Variants in NPAP1 observed in about 807,000 individuals in gnomAD.
NPAP1 encodes the protein nuclear pore-associated protein 1.
For missense variants in NPAP1, 1,483 were observed against 1,454.5 expected, an observed-to-expected ratio of 1.02 and a Z score of -0.32; for synonymous variants, 616 against 581.4, an observed-to-expected ratio of 1.06 and a Z score of -0.86.
In NPAP1 at chr15:24,681,172, A is replaced by T. The variant is rs1008406834; in HGVS notation, c.*1834A>T. On this transcript the variant is annotated 3_prime_UTR_variant, in exon 1 of 1. Coordinates refer to ENST00000329468, the MANE Select transcript of NPAP1 (RefSeq NM_018958.3). ...GAGGACAGAGGAGAGATGTGAGTGG[A>T]ATTCCTTCCTCCACTTTTTACTAAT... 1.2e-5 allele frequency: 2 copies of T among 167,238 alleles called. No individual in the cohort carries two copies. The highest frequency in any genetic ancestry group is 4.8e-5 in the African/African-American group (2 of 41,434). 10.4% of individuals were successfully genotyped at this position (167,238 alleles called of 1,614,324 possible). A position where few individuals can be genotyped will look rare whatever the true frequency, so the allele number is the denominator to read the frequency against.
chr15:24,678,335 G>A lies in NPAP1; in HGVS notation c.2468G>A (p.Ser823Asn), dbSNP rs754517067. 10 of 1,613,682 alleles carry A rather than the reference G, an allele frequency of 6.2e-6. No individual in the cohort carries two copies. Among genetic ancestry groups the A allele is most frequent in the Non-Finnish European group, 7.6e-6 (9 of 1,179,948 alleles). The stretch of plus-strand genomic sequence containing the variant: ...TTATCCAAGCCTGCCATTGACACCA[G>A]TGACATGAATACCACCCCTCCTTCC... Reference protein sequence around the residue: ...ASLSKPAIDTSDMNTTPPSKT... With the variant: ...ASLSKPAIDTNDMNTTPPSKT... Residue 823 changes from serine (S) to asparagine (N), a missense_variant, in exon 1 of 1, where the codon AGT becomes AAT. Physicochemically the swap from Ser to Asn is conservative, Grantham distance 46. Transcript: ENST00000329468.
rs1217326711 is a variant in NPAP1 at position 24,678,182 on chromosome 15, C to G, written c.2315C>G (p.Pro772Arg). ...HPLNPGATPQ[P>R]KFGAPDGPQQ... ...TTAAATCCAGGAGCCACCCCTCAACCCAAATTTGGGGCCCCTGATGGGCCG... is the reference window on the plus strand; with the variant it reads ...TTAAATCCAGGAGCCACCCCTCAACGCAAATTTGGGGCCCCTGATGGGCCG... The change falls in exon 1 of 1, where the codon CCC becomes CGC. Residue 772 changes from proline to arginine, a missense_variant. Coordinates refer to ENST00000329468, the MANE Select transcript of NPAP1 (RefSeq NM_018958.3). 1 of 1,613,638 alleles carries G rather than the reference C, an allele frequency of 6.2e-7. No individual in the cohort carries two copies. Among genetic ancestry groups the G allele is most frequent in the Non-Finnish European group, 8.5e-7 (1 of 1,179,938 alleles).
rs1450298083 is a variant in NPAP1, at chr15:24,676,149, C to G, written c.282C>G (p.Ile94Met). 1 of 1,575,956 alleles carries G rather than the reference C, an allele frequency of 6.3e-7. No individual in the cohort carries two copies. Among genetic ancestry groups the G allele is most frequent in the Non-Finnish European group, 8.6e-7 (1 of 1,163,294 alleles). The change falls in exon 1 of 1, where the codon ATC (isoleucine) becomes ATG (methionine). Residue 94 changes from isoleucine (I) to methionine (M), a missense_variant. Ile to Met is a conservative substitution (Grantham distance 10, BLOSUM62 1). Coordinates refer to ENST00000329468, the MANE Select transcript of NPAP1 (RefSeq NM_018958.3). ...CGGCTGTGGGTTGGGGGCTGGCCAT[C>G]AGGAAGACACCCATGCTGCCTGCTC... Reference protein sequence around the residue: ...VLPAVGWGLAIRKTPMLPARN... With the variant: ...VLPAVGWGLAMRKTPMLPARN...
rs1165318934 is a variant in NPAP1 at position 24,676,898 on chromosome 15, T to G, written c.1031T>G (p.Leu344Trp). ...LLLPLPPSLP[L>W]LWDRGELPPP... ...CTGCCGCTGCCCCCTTCACTGCCATTGCTGTGGGATCGAGGTGAGCTTCCC... is the reference window on the plus strand; with the variant it reads ...CTGCCGCTGCCCCCTTCACTGCCATGGCTGTGGGATCGAGGTGAGCTTCCC... Residue 344 changes from leucine to tryptophan, a missense_variant, in exon 1 of 1, where the codon TTG becomes TGG. By Grantham distance (61) the Leu-to-Trp change is moderately conservative. Coordinates refer to ENST00000329468, the MANE Select transcript of NPAP1 (RefSeq NM_018958.3). The G allele has an allele frequency of 3.1e-6, 5 of 1,613,590 alleles. No individual in the cohort carries two copies. Among genetic ancestry groups the G allele is most frequent in the Non-Finnish European group, 4.2e-6 (5 of 1,180,032 alleles).
In NPAP1 at chr15:24,677,615, C is replaced by A; in HGVS notation, c.1748C>A (p.Pro583Gln). Reference protein sequence around the residue: ...PEVVNMDTTAPSQVVIFTSSL... With the variant: ...PEVVNMDTTAQSQVVIFTSSL... ...GTAGTTAATATGGATACTACTGCCC[C>A]ATCTCAGGTTGTTATTTTCACATCT... Residue 583 changes from proline (P) to glutamine (Q), a missense_variant, in exon 1 of 1, where the codon CCA becomes CAA. Physicochemically the swap from Pro to Gln is moderately conservative, Grantham distance 76. Transcript: ENST00000329468. 4 of 1,614,152 alleles carry A rather than the reference C, an allele frequency of 2.5e-6. No individual in the cohort carries two copies. Among genetic ancestry groups the A allele is most frequent in the Non-Finnish European group, 3.4e-6 (4 of 1,180,032 alleles).
chr15:24,677,324 C>T lies in NPAP1; in HGVS notation c.1457C>T (p.Ser486Leu), dbSNP rs2141310107. The change falls in exon 1 of 1, where the codon TCA (serine) becomes TTA (leucine). Residue 486 changes from serine (S) to leucine (L), a missense_variant. Physicochemically the swap from Ser to Leu is moderately radical, Grantham distance 145. Transcript: ENST00000329468. Reference sequence around the variant, plus strand: ...AATGAGAAAGGAGGCTCTTATAATTCAGTCGTAGGAGCAGCGCCTCTCACT... The same window carrying T: ...AATGAGAAAGGAGGCTCTTATAATTTAGTCGTAGGAGCAGCGCCTCTCACT... The part of the protein sequence containing the change: ...QSNEKGGSYN[S>L]VVGAAPLTSD... The T allele has an allele frequency of 2.5e-6, 4 of 1,614,156 alleles. No individual in the cohort carries two copies. Among genetic ancestry groups the T allele is most frequent in the Non-Finnish European group, 3.4e-6 (4 of 1,180,024 alleles).
Position 24,678,333 on chromosome 15 carries a change from C to T in NPAP1, c.2466C>T (p.Thr822=), listed in dbSNP as rs529053521. ...AASLSKPAID[T]SDMNTTPPSK... ...CGTTATCCAAGCCTGCCATTGACACCAGTGACATGAATACCACCCCTCCTT... is the reference window on the plus strand; with the variant it reads ...CGTTATCCAAGCCTGCCATTGACACTAGTGACATGAATACCACCCCTCCTT... Residue 822 remains threonine (T), a synonymous_variant, in exon 1 of 1, where the codon ACC becomes ACT. Transcript: ENST00000329468. 1 of 1,614,088 alleles carries T rather than the reference C, an allele frequency of 6.2e-7. No individual in the cohort carries two copies. Among genetic ancestry groups the T allele is most frequent in the African/African-American group, 1.3e-5 (1 of 75,038 alleles).
chr15:24,676,479 C>G lies in NPAP1; in HGVS notation c.612C>G (p.Ser204Arg), dbSNP rs2141308108. The G allele has an allele frequency of 6.2e-7, 1 of 1,614,058 alleles. No individual in the cohort carries two copies. Among genetic ancestry groups the G allele is most frequent in the Non-Finnish European group, 8.5e-7 (1 of 1,179,976 alleles). Residue 204 changes from serine to arginine, a missense_variant, in exon 1 of 1, where the codon AGC (serine) becomes AGG (arginine). Transcript: ENST00000329468. Reference sequence around the variant, plus strand: ...GAGACGTGGCCTCCTTCAGATGCAGCCCTGGGCCTCTGGAGGGAAATGTCT... The same window carrying G: ...GAGACGTGGCCTCCTTCAGATGCAGGCCTGGGCCTCTGGAGGGAAATGTCT... ...TQGDVASFRC[S>R]PGPLEGNVYH...
chr15:24,683,205 A>G lies in NPAP1; in HGVS notation c.*3867A>G, dbSNP rs753111960. 3.5e-5 allele frequency: 6 copies of G among 172,178 alleles called. No individual in the cohort carries two copies. Among genetic ancestry groups the G allele is most frequent in the Non-Finnish European group, 6.2e-5 (5 of 80,178 alleles). 10.7% of individuals were successfully genotyped at this position (172,178 alleles called of 1,614,324 possible). ...CCTTTGCCTCTTTTAAAAGTTCTAA[A>G]TTGCTAGCCAATCGGGACAAATACA... On this transcript the variant is annotated 3_prime_UTR_variant, in exon 1 of 1. Transcript: ENST00000329468.
chr15:24,677,675 C>G lies in NPAP1; in HGVS notation c.1808C>G (p.Ser603Cys), dbSNP rs146329098. 2.5e-5 allele frequency: 41 copies of G among 1,614,194 alleles called. No homozygotes were observed. Among genetic ancestry groups the G allele is most frequent in the Non-Finnish European group, 3.1e-5 (37 of 1,180,036 alleles). Residue 603 changes from serine (S) to cysteine (C), a missense_variant, in exon 1 of 1, where the codon TCC becomes TGC. Physicochemically the swap from Ser to Cys is moderately radical, Grantham distance 112. Transcript: ENST00000329468. Reference sequence around the variant, plus strand: ...TCCAGAGTGAGCTCTCTCCCAAATTCCCAAATACATTGCAGTGCAGAGCAG... The same window carrying G: ...TCCAGAGTGAGCTCTCTCCCAAATTGCCAAATACATTGCAGTGCAGAGCAG... Reference protein sequence around the residue: ...LSSRVSSLPNSQIHCSAEQRH... With the variant: ...LSSRVSSLPNCQIHCSAEQRH...
rs1034783563 is a variant in NPAP1 at position 24,677,988 on chromosome 15, G to A, written c.2121G>A (p.Lys707=). 2 of 1,613,278 alleles carry A rather than the reference G, an allele frequency of 1.2e-6. No individual in the cohort carries two copies. Among genetic ancestry groups the A allele is most frequent in the African/African-American group, 2.7e-5 (2 of 74,644 alleles). Residue 707 remains lysine (K), a synonymous_variant, in exon 1 of 1, where the codon AAG becomes AAA. Transcript: ENST00000329468. ...TNAMHTTPPS[K]AVILQSASVS... is the part of the protein sequence containing the mutation. ...CTATGCATACCACTCCTCCTTCCAA[G>A]GCTGTCATCTTGCAGTCTGCCTCTG...
In NPAP1 at chr15:24,677,884, A is replaced by T. The variant is rs2048988081; in HGVS notation, c.2017A>T (p.Ile673Phe). 6.2e-7 allele frequency: 1 copy of T among 1,613,586 alleles called. No homozygotes were observed. The highest frequency in any genetic ancestry group is 1.1e-5 in the South Asian group (1 of 91,056). The change falls in exon 1 of 1, where the codon ATT (isoleucine) becomes TTT (phenylalanine). Residue 673 changes from isoleucine (I) to phenylalanine (F), a missense_variant. Physicochemically the swap from Ile to Phe is conservative, Grantham distance 21 (BLOSUM62 0). Coordinates refer to ENST00000329468, the MANE Select transcript of NPAP1 (RefSeq NM_018958.3). ...CTGTGTTTTCCTGAGCCTTCCCATCATTCCTCCTCCAGACACCTCCACTTT... is the reference window on the plus strand; with the variant it reads ...CTGTGTTTTCCTGAGCCTTCCCATCTTTCCTCCTCCAGACACCTCCACTTT... The part of the protein sequence containing the change: ...SACVFLSLPI[I>F]PPPDTSTLVN...
At chr15:24,679,259 G>GA in the NPAP1 span, 1 of 1,614,028 alleles carries the variant, frequency 6.2e-7, no homozygotes, top group East Asian at 2.2e-5. Flanking sequence ...TGGACAGAGA[G>GA]AAAATTCTAC....
chr15:24,681,357 A>G lies in NPAP1; in HGVS notation c.*2019A>G, dbSNP rs1164824169. 6.0e-6 allele frequency: 1 copy of G among 165,596 alleles called. No homozygotes were observed. The highest frequency in any genetic ancestry group is 1.5e-5 in the Non-Finnish European group (1 of 67,922). 10.3% of individuals were successfully genotyped at this position (165,596 alleles called of 1,614,324 possible). On this transcript the variant is annotated 3_prime_UTR_variant, in exon 1 of 1. Transcript: ENST00000329468. ...TAATTTGTTATATACATAGGGATGG[A>G]TAGACGGATGGATAGATTAGATGAT...
chr15:24,680,970 A>G lies in NPAP1; in HGVS notation c.*1632A>G, dbSNP rs926550833. The G allele has an allele frequency of 2.4e-5, 4 of 167,024 alleles. No homozygotes were observed. Among genetic ancestry groups the G allele is most frequent in the African/African-American group, 9.6e-5 (4 of 41,462 alleles). 10.3% of individuals were successfully genotyped at this position (167,024 alleles called of 1,614,324 possible). On this transcript the variant is annotated 3_prime_UTR_variant, in exon 1 of 1. Transcript: ENST00000329468. ...TGAACAAGCCTCACTGGGAAGGTAAATTTAAACGAAGCCTAGAGAGAAGCA... is the reference window on the plus strand; with the variant it reads ...TGAACAAGCCTCACTGGGAAGGTAAGTTTAAACGAAGCCTAGAGAGAAGCA...
In NPAP1 at chr15:24,681,204, A is replaced by G. The variant is rs995742386; in HGVS notation, c.*1866A>G. ...TCCTCCACTTTTTACTAATTGTGTA[A>G]TAACAGTTGACTCAAACTTCAAAAG... On this transcript the variant is annotated 3_prime_UTR_variant, in exon 1 of 1. Coordinates refer to ENST00000329468, the MANE Select transcript of NPAP1 (RefSeq NM_018958.3). The G allele has an allele frequency of 6.0e-6, 1 of 167,196 alleles. No individual in the cohort carries two copies. The highest frequency in any genetic ancestry group is 1.5e-5 in the Non-Finnish European group (1 of 68,128). 10.4% of individuals were successfully genotyped at this position (167,196 alleles called of 1,614,324 possible).
rs2048986974 is a variant in NPAP1 at position 24,677,734 on chromosome 15, C to A, written c.1867C>A (p.Pro623Thr). 6.2e-7 allele frequency: 1 copy of A among 1,614,036 alleles called. No homozygotes were observed. Among genetic ancestry groups the A allele is most frequent in the South Asian group, 1.1e-5 (1 of 91,086 alleles). ...GGGAAAGACATCAGTCTACACATCC[C>A]CACTTCCATTTATATTCCACAATAC... ...HPGKTSVYTSPLPFIFHNTTP... is the reference protein window; with the variant it reads ...HPGKTSVYTSTLPFIFHNTTP... Residue 623 changes from proline to threonine, a missense_variant, in exon 1 of 1, where the codon CCA becomes ACA. Transcript: ENST00000329468.
Position 24,676,175 on chromosome 15 carries a change from G to A in NPAP1, c.308G>A (p.Arg103Gln), listed in dbSNP as rs1436813379. 2.5e-6 allele frequency: 4 copies of A among 1,572,988 alleles called. No homozygotes were observed. The highest frequency in any genetic ancestry group is 3.4e-6 in the Non-Finnish European group (4 of 1,161,750). ...AGGAAGACACCCATGCTGCCTGCTC[G>A]GAACCCCCCGAGGTTTGGACACCCC... ...AIRKTPMLPA[R>Q]NPPRFGHPSS... The change falls in exon 1 of 1, where the codon CGG becomes CAG. Residue 103 changes from arginine (R) to glutamine (Q), a missense_variant. Physicochemically the swap from Arg to Gln is conservative, Grantham distance 43. Coordinates refer to ENST00000329468, the MANE Select transcript of NPAP1 (RefSeq NM_018958.3).
Position 24,678,413 on chromosome 15 carries a change from G to A in NPAP1, c.2546G>A (p.Arg849Gln), listed in dbSNP as rs532875296. 2.8e-5 allele frequency: 45 copies of A among 1,611,796 alleles called. No individual in the cohort carries two copies. The South Asian group carries it at 4.2e-4, about 15-fold the overall frequency. Residue 849 changes from arginine to glutamine, a missense_variant, in exon 1 of 1, where the codon CGA (arginine) becomes CAA (glutamine). Coordinates refer to ENST00000329468, the MANE Select transcript of NPAP1 (RefSeq NM_018958.3). ...GTCTCCAGGAAGGAGGAGTACATCC[G>A]ATTTTATATGGGGCTTCCTGGTTCT... Reference protein sequence around the residue: ...TFVSRKEEYIRFYMGLPGSGN... With the variant: ...TFVSRKEEYIQFYMGLPGSGN...
Sources: gnomAD v4.1 joint callset for allele counts on GRCh38, gnomAD v4.1.1 for gene constraint, MANE v1.5 for transcripts, NCBI Gene and HGNC (gene_info 2026-07-23, HGNC 2026-07-21) for gene names.